Variants in EVI5 observed in about 807,000 individuals in gnomAD.
EVI5 encodes the protein ecotropic viral integration site 5.
A neutral mutation model predicts 112.0 loss-of-function variants in EVI5; 73 were observed. That is an observed-to-expected ratio of 0.65 (90% CI 0.54 to 0.79). The LOEUF is 0.79. Among genes scored for constraint, EVI5 ranks in the 30% least tolerant of loss-of-function variants. The probability of loss-of-function intolerance (pLI) is 0.00; values close to 1 mark genes in which losing one functional copy is unlikely to be tolerated. For missense variants in EVI5, 900 were observed against 968.8 expected (o/e 0.93, Z 0.94); for synonymous variants, 305 against 319.9 (o/e 0.95, Z 0.50).
intron 1 of EVI5, among the ~76,000 whole-genome samples, chr1:92,772,270 T>A (rs1415199087): frequency 6.6e-6 from 1 of 151,642 alleles, no homozygotes; most frequent in African/African-American, 2.4e-5. Context: ...CCCCAAGAAA[T>A]ACAAGAAATA....
At chr1:92,527,461 A>G (rs930685631) in intron 19 of EVI5, among the ~76,000 whole-genome samples, 4 of 152,058 alleles carry the variant, frequency 2.6e-5, no homozygotes, top group African/African-American at 4.8e-5. Context: ...GAAAAGAAAA[A>G]AAAAGTATGT....
At chr1:92,646,371 C>T (rs574210426) in intron 13 of EVI5, among the ~76,000 whole-genome samples, 1 of 152,232 alleles carries the variant, frequency 6.6e-6, no homozygotes, top group South Asian at 2.1e-4. Flanking sequence ...ATAGACAATG[C>T]ACTTAATTAA....
chr1:92,718,892 C>T (rs948529491), intron 2 of EVI5, among the ~76,000 whole-genome samples: 1 of 152,056 alleles, frequency 6.6e-6, no homozygotes, highest in African/African-American at 2.4e-5. Context: ...GAAATACAAA[C>T]TACCGTCAGA....
chr1:92,554,416 G>T (rs1557774549), intron 19 of EVI5, among the ~76,000 whole-genome samples: 1 of 152,168 alleles, frequency 6.6e-6, no homozygotes, highest in Non-Finnish European at 1.5e-5. Flanking sequence ...GTAACTTTGG[G>T]TAAGTCCCTT....
chr1:92,540,366 A>G (rs1389855140), intron 19 of EVI5, among the ~76,000 whole-genome samples: 1 of 152,140 alleles, frequency 6.6e-6, no homozygotes, highest in Non-Finnish European at 1.5e-5. Flanking sequence ...CTGTTTTATT[A>G]TAGCCATCCT....
At chr1:92,516,498 G>A (rs1458999202) in intron 19 of EVI5, among the ~76,000 whole-genome samples, 3 of 152,192 alleles carry the variant, frequency 2.0e-5, no homozygotes, top group East Asian at 3.8e-4. Context: ...GAAGGTAAGC[G>A]ACTATGTGGT....
chr1:92,702,505 T>G (rs914598533), intron 4 of EVI5, among the ~76,000 whole-genome samples: 9 of 149,094 alleles, frequency 6.0e-5, no homozygotes, highest in East Asian at 3.9e-4. Flanking sequence ...TAACAGGGCT[T>G]AAAAATCAAG....
intron 19 of EVI5, among the ~76,000 whole-genome samples, chr1:92,528,955 C>A (rs1397681214): frequency 1.3e-5 from 2 of 152,098 alleles, no homozygotes; most frequent in Non-Finnish European, 2.9e-5. Context: ...AAAAATGTAT[C>A]CTAAATAAAA....
chr1:92,524,294 T>C (rs1045673580), intron 19 of EVI5, among the ~76,000 whole-genome samples: 1 of 152,148 alleles, frequency 6.6e-6, no homozygotes, highest in African/African-American at 2.4e-5. Context: ...GATTTGGGAA[T>C]TGACTATATT....
chr1:92,598,779 T>C (rs1046196106), intron 18 of EVI5, among the ~76,000 whole-genome samples: 3 of 152,138 alleles, frequency 2.0e-5, no homozygotes, highest in African/African-American at 2.4e-5. Flanking sequence ...AACTAGGTAA[T>C]AGTAACTTTT....
intron 1 of EVI5, among the ~76,000 whole-genome samples, chr1:92,761,920 T>C (rs183715562): frequency 1.3e-5 from 2 of 148,628 alleles, no homozygotes; most frequent in African/African-American, 5.3e-5. Context: ...CCATGCAATG[T>C]CTTGCATATT....
Position 92,624,689 on chromosome 1 carries a change from CAAAAAAAAAAAAAAAAAAAA to C in EVI5, c.1669-375_1669-356del, listed in dbSNP as rs141559165. ...GAAACCCTGTCTCTAGTCTCTACTT[CAAAAAAAAAAAAAAAAAAAA>C]AAAAAAAAAAAGAATTTATTGGAGA... On this transcript the variant is annotated intron_variant, in intron 15 of 19. Coordinates refer to ENST00000684568, the MANE Select transcript of EVI5 (RefSeq NM_001350197.2). Among the ~76,000 whole-genome samples, 84 of 51,778 alleles carry C rather than the reference CAAAAAAAAAAAAAAAAAAAA, an allele frequency of 1.6e-3. 2 individuals are homozygous for C. In the South Asian group the frequency reaches 0.092, roughly 56 times the overall value. 34.0% of individuals were successfully genotyped at this position (51,778 alleles called of 152,430 possible). A position where few individuals can be genotyped will look rare whatever the true frequency, so the allele number is the denominator to read the frequency against.
chr1:92,772,755 C>A (rs1490116130), intron 1 of EVI5, among the ~76,000 whole-genome samples: 1 of 151,360 alleles, frequency 6.6e-6, no homozygotes, highest in African/African-American at 2.4e-5. Flanking sequence ...AAAATACAAA[C>A]ATTAGCTAGG....
intron 19 of EVI5, among the ~76,000 whole-genome samples, chr1:92,537,076 G>C (rs1664029893): frequency 6.6e-6 from 1 of 152,100 alleles, no homozygotes; most frequent in Non-Finnish European, 1.5e-5. Flanking sequence ...AAGAATAAGA[G>C]GAAGGGCTGC....
At chr1:92,640,522 A>G (rs1234273593) in intron 13 of EVI5, among the ~76,000 whole-genome samples, 1 of 152,230 alleles carries the variant, frequency 6.6e-6, no homozygotes, top group African/African-American at 2.4e-5. Context: ...ATCACTGATC[A>G]TTAGAGAAAT....
At chr1:92,705,257 T>C (rs1028054631) in intron 2 of EVI5, among the ~76,000 whole-genome samples, 1 of 152,230 alleles carries the variant, frequency 6.6e-6, no homozygotes, top group Non-Finnish European at 1.5e-5. Context: ...TTATTTGGCC[T>C]ATGCAGTGTT....
At chr1:92,682,050 G>A (rs1333238851) in intron 9 of EVI5, among the ~76,000 whole-genome samples, 1 of 152,106 alleles carries the variant, frequency 6.6e-6, no homozygotes, top group Non-Finnish European at 1.5e-5. Flanking sequence ...AGGCTCAATG[G>A]ATCCTCCCAC....
chr1:92,783,343 C>A lies in EVI5; in HGVS notation c.-82+1493G>T, dbSNP rs371311295. 7.9e-4 allele frequency among the ~76,000 whole-genome samples: 110 copies of A among 139,592 alleles called. 1 individual carries two copies. The highest frequency in any genetic ancestry group is 4.8e-3 in the South Asian group (20 of 4,164). The allele number at this position is 139,592 out of a possible 152,430, so 91.6% of individuals were successfully genotyped here. On this transcript the variant is annotated intron_variant, in intron 1 of 19. Coordinates refer to ENST00000684568, the MANE Select transcript of EVI5 (RefSeq NM_001350197.2). ...GAGTTCGAGACCAGCCTGACCAACA[C>A]GGTGAAACCCCGTTTCTACTAAAAA... is the stretch of plus-strand genomic sequence containing the variant.
chr1:92,723,894 G>C (rs1675142686), intron 2 of EVI5, among the ~76,000 whole-genome samples: 1 of 152,166 alleles, frequency 6.6e-6, no homozygotes, highest in South Asian at 2.1e-4. Context: ...GGGAATGTCT[G>C]TCTTACGCGG....
Sources: allele counts gnomAD v4.1 joint callset (sites outside exome capture counted in the v4.1 genomes callset), GRCh38; gene constraint gnomAD v4.1.1; transcripts MANE v1.5; gene names NCBI Gene and HGNC (gene_info 2026-07-23, HGNC 2026-07-21).